CACNA2D3: variants seen among roughly 807,000 people sequenced by gnomAD.
The protein encoded by CACNA2D3 is voltage-dependent calcium channel subunit alpha-2/delta-3.
CACNA2D3 carries 60 observed loss-of-function variants against 160.6 expected under a neutral mutation model. The observed-to-expected ratio is 0.37, with a 90% CI of 0.30 to 0.46. CACNA2D3 has a LOEUF of 0.46. Ranked by LOEUF, CACNA2D3 falls within the 20% of genes least tolerant of loss-of-function variation. The probability of loss-of-function intolerance (pLI) is 1.00; values close to 1 mark genes in which losing one functional copy is unlikely to be tolerated. For missense variants in CACNA2D3, 1,205 were observed against 1,365.0 expected, an observed-to-expected ratio of 0.88 and a Z score of 1.85; for synonymous variants, 558 against 492.9, an observed-to-expected ratio of 1.13 and a Z score of -1.75.
intron 2 of CACNA2D3, among the ~76,000 whole-genome samples, chr3:54,271,111 A>T (rs1028968892): frequency 2.0e-5 from 3 of 152,188 alleles, no homozygotes; most frequent in Non-Finnish European, 2.9e-5. Context: ...GAATTGAGAG[A>T]TGAGGGTTCA....
chr3:54,228,492 CTG>C (rs1256455793), intron 2 of CACNA2D3, among the ~76,000 whole-genome samples: 1 of 152,184 alleles, frequency 6.6e-6, no homozygotes, highest in East Asian at 1.9e-4. Flanking sequence ...ACTTGCCAGA[CTG>C]TGGTGGGAAC....
At chr3:54,309,503 A>T (rs923914005) in intron 2 of CACNA2D3, among the ~76,000 whole-genome samples, 10 of 152,086 alleles carry the variant, frequency 6.6e-5, no homozygotes, top group Non-Finnish European at 1.5e-4. Flanking sequence ...GAACCTGACA[A>T]TCTGGAAGTG....
At chr3:54,837,734 T>G (rs926279611) in intron 15 of CACNA2D3, among the ~76,000 whole-genome samples, 3 of 152,160 alleles carry the variant, frequency 2.0e-5, no homozygotes, top group Non-Finnish European at 4.4e-5. Context: ...ATTCCTTGGC[T>G]TGTGGCAGTG....
At chr3:54,569,352 T>C (rs72868805) in intron 6 of CACNA2D3, among the ~76,000 whole-genome samples, 4,185 of 152,274 alleles carry the variant, frequency 0.027, 173 homozygotes, top group African/African-American at 0.096. Flanking sequence ...TTGGAAACAT[T>C]GTATCTATGC....
intron 11 of CACNA2D3, among the ~76,000 whole-genome samples, chr3:54,674,971 TAG>T: frequency 6.6e-6 from 1 of 152,074 alleles, no homozygotes; most frequent in South Asian, 2.1e-4. Flanking sequence ...AGGAAGAGAC[TAG>T]AGAGAGCCAG....
intron 11 of CACNA2D3, among the ~76,000 whole-genome samples, chr3:54,736,115 A>ATG (rs1264523025): frequency 1.4e-3 from 36 of 25,306 alleles, no homozygotes; most frequent in African/African-American, 4.3e-3. Flanking sequence ...ATATGTATAT[A>ATG]TATACATATA....
At chr3:54,284,350 TTA>T (rs1702957532) in intron 2 of CACNA2D3, among the ~76,000 whole-genome samples, 1 of 151,582 alleles carries the variant, frequency 6.6e-6, no homozygotes, top group African/African-American at 2.4e-5. Context: ...GATGTTAATC[TTA>T]TAGTTTTATA....
intron 3 of CACNA2D3, among the ~76,000 whole-genome samples, chr3:54,364,828 A>G (rs745817541): frequency 2.6e-5 from 4 of 152,246 alleles, no homozygotes; most frequent in African/African-American, 9.6e-5. Flanking sequence ...TTTGACATCA[A>G]TGAATAACCA....
chr3:54,734,804 G>C (rs1365666180), intron 11 of CACNA2D3, among the ~76,000 whole-genome samples: 2 of 152,204 alleles, frequency 1.3e-5, no homozygotes, highest in African/African-American at 2.4e-5. Flanking sequence ...TTCACTCTGG[G>C]CTATTACATA....
At chr3:54,124,571 A>G (rs1179629467) in intron 2 of CACNA2D3, among the ~76,000 whole-genome samples, 2 of 152,204 alleles carry the variant, frequency 1.3e-5, no homozygotes, top group African/African-American at 2.4e-5. Context: ...CCAATGTACC[A>G]TATGTGTTAT....
chr3:54,550,750 A>G (rs958105829), intron 5 of CACNA2D3, among the ~76,000 whole-genome samples: 5 of 152,078 alleles, frequency 3.3e-5, no homozygotes, highest in African/African-American at 1.2e-4. Context: ...TGGTATAGTG[A>G]TTCTGCAGCA....
At chr3:54,915,458 C>G (rs562691858) in intron 27 of CACNA2D3, among the ~76,000 whole-genome samples, 13 of 152,192 alleles carry the variant, frequency 8.5e-5, no homozygotes, top group Admixed American at 8.5e-4. Flanking sequence ...ACAGTGTACC[C>G]TCAGCAAGGC....
At chr3:55,073,690 A>G in intron 36 of CACNA2D3, 87 bp from the exon 37 acceptor site, 2 of 1,271,750 alleles carry the variant, frequency 1.6e-6, no homozygotes, top group East Asian at 2.4e-5. Context: ...GAGAGTAGTT[A>G]AGAGAGTTGT....
At chr3:55,034,293 G>T (rs906625024) in intron 35 of CACNA2D3, among the ~76,000 whole-genome samples, 1 of 151,610 alleles carries the variant, frequency 6.6e-6, no homozygotes, top group Non-Finnish European at 1.5e-5. Flanking sequence ...TTCTTTTTAT[G>T]ATCAAATTTG....
At chr3:54,270,813 C>T (rs2107450686) in intron 2 of CACNA2D3, among the ~76,000 whole-genome samples, 1 of 152,336 alleles carries the variant, frequency 6.6e-6, no homozygotes, top group East Asian at 1.9e-4. Context: ...CATCTTGCAG[C>T]TCCTTCAGGC....
chr3:55,036,654 G>T (rs7640187), intron 35 of CACNA2D3, among the ~76,000 whole-genome samples: 3,379 of 151,536 alleles, frequency 0.022, 67 homozygotes, highest in South Asian at 0.03. Context: ...TTTTAGTAGA[G>T]ACAGGGTTTC....
At chr3:54,816,299 G>A (rs1389232149) in intron 13 of CACNA2D3, among the ~76,000 whole-genome samples, 2 of 152,142 alleles carry the variant, frequency 1.3e-5, no homozygotes, top group African/African-American at 4.8e-5. Context: ...ATACAGCAGG[G>A]TTTCTCAACT....
intron 2 of CACNA2D3, among the ~76,000 whole-genome samples, chr3:54,148,503 G>A (rs991705582): frequency 6.6e-6 from 1 of 152,188 alleles, no homozygotes; most frequent in Non-Finnish European, 1.5e-5. Flanking sequence ...GTGGCAGGGG[G>A]TTGGGGTTTG....
At chr3:54,624,808 T>G (rs752128945) in intron 9 of CACNA2D3, among the ~76,000 whole-genome samples, 1 of 152,192 alleles carries the variant, frequency 6.6e-6, no homozygotes, top group Non-Finnish European at 1.5e-5. Context: ...TGTTTCATCA[T>G]GCTCCGTGTC....
Sources: allele counts gnomAD v4.1 joint callset (sites outside exome capture counted in the v4.1 genomes callset), GRCh38; gene constraint gnomAD v4.1.1; transcripts MANE v1.5; gene names NCBI Gene and HGNC (gene_info 2026-07-23, HGNC 2026-07-21).